Variants in PATJ observed in about 807,000 individuals in gnomAD.
PATJ encodes the protein inaD-like protein.
In PATJ, 190 loss-of-function variants were observed where a neutral mutation model predicts 224.9. That is an observed-to-expected ratio of 0.84 (90% confidence interval 0.75 to 0.95). The LOEUF (loss-of-function observed/expected upper bound fraction) is 0.95, where lower values mean the gene tolerates loss of function less well. Among genes scored for constraint, PATJ ranks in the 40% least tolerant of loss-of-function variants. The pLI, the probability that PATJ is intolerant of heterozygous loss-of-function variation, is 0.00. For missense variants in PATJ, 2,121 were observed against 2,270.3 expected, an observed-to-expected ratio of 0.93 and a Z score of 1.34; for synonymous variants, 769 against 820.3, an observed-to-expected ratio of 0.94 and a Z score of 1.07.
At chr1:61,918,142 G>A (rs1673721947) in intron 26 of PATJ, 1 of 151,418 alleles carries the variant, frequency 6.6e-6, no homozygotes, top group Non-Finnish European at 1.5e-5. Flanking sequence ...GTGGGCCTGT[G>A]TTTTCTATGT....
At chr1:61,955,287 A>T (rs1263150548) in intron 27 of PATJ, among the ~76,000 whole-genome samples, 2 of 152,320 alleles carry the variant, frequency 1.3e-5, no homozygotes, top group East Asian at 3.9e-4. Flanking sequence ...GGTTAAGAGG[A>T]GAAATACAGT....
chr1:61,827,695 T>G, intron 16 of PATJ, 112 bp downstream of exon 16: 1 of 992,262 alleles, frequency 1.0e-6, no homozygotes. Context: ...TGCTCTTTTT[T>G]TGCTTGACTA....
Position 62,120,765 on chromosome 1 carries a change from T to C in PATJ, c.4891-416T>C, listed in dbSNP as rs1664949129. The C allele has an allele frequency of 1.9e-5, 3 of 158,868 alleles. No individual in the cohort carries two copies. In the East Asian group the frequency reaches 5.5e-4, roughly 29 times the overall value. 9.8% of individuals were successfully genotyped at this position (158,868 alleles called of 1,614,324 possible). ...TAATCAAGGTCTTATTATACTTGTTTTAGCAAAATACATAATACATTTTGG... is the reference window on the plus strand; with the variant it reads ...TAATCAAGGTCTTATTATACTTGTTCTAGCAAAATACATAATACATTTTGG... On this transcript the variant is annotated intron_variant, in intron 37 of 43. Transcript: ENST00000642238.
chr1:61,765,066 A>ATTTTTTTTTTTTTTTTTTT lies in PATJ; in HGVS notation c.190-1198_190-1180dup, dbSNP rs71582647. On this transcript the variant is annotated intron_variant, in intron 3 of 43. Coordinates refer to ENST00000642238, the MANE Select transcript of PATJ (RefSeq NM_001350145.3). The stretch of plus-strand genomic sequence containing the variant: ...TTTCTTTGAGGTTTTATTGACATTC[A>ATTTTTTTTTTTTTTTTTTT]TTTTTTTTTTTTTTTTTTTTTTTTT... 2.1e-4 allele frequency among the ~76,000 whole-genome samples: 5 copies of ATTTTTTTTTTTTTTTTTTT among 24,020 alleles called. 1 individual carries two copies. Among genetic ancestry groups the ATTTTTTTTTTTTTTTTTTT allele is most frequent in the Non-Finnish European group, 3.7e-4 (5 of 13,504 alleles). The allele number at this position is 24,020 out of a possible 152,430, so 15.8% of individuals were successfully genotyped here.
intron 27 of PATJ, among the ~76,000 whole-genome samples, chr1:61,942,697 C>T (rs1369367350): frequency 6.6e-6 from 1 of 151,830 alleles, no homozygotes; most frequent in Admixed American, 6.6e-5. Flanking sequence ...ATTACAGGCA[C>T]CCACCACCAC....
At chr1:62,001,713 C>T (rs1376802069) in intron 28 of PATJ, among the ~76,000 whole-genome samples, 1 of 151,870 alleles carries the variant, frequency 6.6e-6, no homozygotes, top group Admixed American at 6.6e-5. Flanking sequence ...TTTTCCAATT[C>T]TGTGAAGAAA....
chr1:61,998,712 G>A (rs991506759), intron 28 of PATJ, among the ~76,000 whole-genome samples: 1 of 152,120 alleles, frequency 6.6e-6, no homozygotes, highest in African/African-American at 2.4e-5. Flanking sequence ...CATAGAGTTC[G>A]AGTTTTATTT....
chr1:61,746,735 ATAAAGC>A (rs1645043386), intron 1 of PATJ, among the ~76,000 whole-genome samples: 1 of 151,806 alleles, frequency 6.6e-6, no homozygotes, highest in African/African-American at 2.4e-5. Flanking sequence ...TTCTGTAACT[ATAAAGC>A]TAACATATTC....
chr1:61,966,292 T>C (rs1682128964), intron 27 of PATJ, among the ~76,000 whole-genome samples: 1 of 152,166 alleles, frequency 6.6e-6, no homozygotes, highest in South Asian at 2.1e-4. Context: ...TTTTGAATGG[T>C]AATCTGTTAG....
intron 20 of PATJ, among the ~76,000 whole-genome samples, chr1:61,870,738 T>C (rs1666208746): frequency 6.6e-6 from 1 of 152,224 alleles, no homozygotes; most frequent in South Asian, 2.1e-4. Context: ...TTTTAGTATA[T>C]ACTCAGCAGT....
At position 61,795,463 on chromosome 1, in the gene PATJ, T is replaced by G; in HGVS notation, c.1169-4T>G. ...CCTTTTTCCGTATGTCTGTGCACCT[T>G]AAGGGGAAGCTTCAGGGATTTATGT... On this transcript the variant is annotated splice_polypyrimidine_tract_variant and splice_region_variant and intron_variant, in intron 9 of 43. Coordinates refer to ENST00000642238, the MANE Select transcript of PATJ (RefSeq NM_001350145.3). The G allele has an allele frequency of 6.3e-7, 1 of 1,575,908 alleles. No individual in the cohort carries two copies. The highest frequency in any genetic ancestry group is 8.7e-7 in the Non-Finnish European group (1 of 1,152,780).
intron 33 of PATJ, among the ~76,000 whole-genome samples, chr1:62,092,188 G>A (rs1045833752): frequency 2.6e-5 from 4 of 151,388 alleles, no homozygotes; most frequent in African/African-American, 7.3e-5. Context: ...GACTAACCTG[G>A]GCAACATGGC....
intron 28 of PATJ, among the ~76,000 whole-genome samples, chr1:61,992,491 A>G (rs1241593781): frequency 6.6e-6 from 1 of 152,196 alleles, no homozygotes; most frequent in Non-Finnish European, 1.5e-5. Context: ...TTTAGTCTTC[A>G]GGGAATCATG....
chr1:61,769,473 A>C (rs755128535), intron 5 of PATJ, 51 bp downstream of exon 5: 1 of 1,563,626 alleles, frequency 6.4e-7, no homozygotes, highest in Non-Finnish European at 8.7e-7. Flanking sequence ...GATAATTCTG[A>C]AAACTATTAT....
chr1:61,769,264 T>G lies in PATJ; in HGVS notation c.385-19T>G, dbSNP rs759635556. ...TAAATGTACACCATTGACTTTTTTT[T>G]TTAACGCTCCTTCATTAGGGCCGGC... is the stretch of plus-strand genomic sequence containing the variant. On this transcript the variant is annotated intron_variant, in intron 4 of 43. Transcript: ENST00000642238. 1.9e-6 allele frequency: 3 copies of G among 1,595,820 alleles called. No homozygotes were observed. The highest frequency in any genetic ancestry group is 3.6e-5 in the Admixed American group (2 of 54,922).
rs779149979 is a variant in PATJ at position 61,901,412 on chromosome 1, C to A, written c.3334C>A (p.Pro1112Thr). The A allele has an allele frequency of 6.3e-7, 1 of 1,584,210 alleles. No individual in the cohort carries two copies. Among genetic ancestry groups the A allele is most frequent in the Non-Finnish European group, 8.5e-7 (1 of 1,170,108 alleles). ...CATCAAACAAGTTTTAGAAGACAGT[C>A]CAGCAGGGAAGACGAACGCACTTAA... ...IFIKQVLEDS[P>T]AGKTNALKTG... The change falls in exon 24 of 44, where the codon CCA (proline) becomes ACA (threonine). Residue 1112 changes from proline (P) to threonine (T), a missense_variant. Transcript: ENST00000642238.
At chr1:62,031,867 A>T (rs1303975070) in intron 29 of PATJ, among the ~76,000 whole-genome samples, 4 of 152,214 alleles carry the variant, frequency 2.6e-5, no homozygotes, top group Non-Finnish European at 5.9e-5. Context: ...GGTTAAAATG[A>T]GTTAATGTAT....
At chr1:62,031,588 C>T (rs61775654) in intron 29 of PATJ, among the ~76,000 whole-genome samples, 3 of 151,962 alleles carry the variant, frequency 2.0e-5, no homozygotes, top group Non-Finnish European at 2.9e-5. Context: ...AAAATTTAAT[C>T]GCCTGGACTC....
chr1:61,817,620 C>G (rs368458183), intron 14 of PATJ, among the ~76,000 whole-genome samples: 38 of 152,280 alleles, frequency 2.5e-4, no homozygotes, highest in African/African-American at 8.4e-4. Flanking sequence ...GAGATCGCAC[C>G]ATTGCACTCC....
Sources: gnomAD v4.1 joint callset for allele counts (sites outside exome capture counted in the v4.1 genomes callset) on GRCh38, gnomAD v4.1.1 for gene constraint, MANE v1.5 for transcripts, NCBI Gene and HGNC (gene_info 2026-07-23, HGNC 2026-07-21) for gene names.